Variants in DNAJC22 observed in about 807,000 individuals in gnomAD.
DNAJC22 encodes the protein DnaJ heat shock protein family (Hsp40) member C22.
DNAJC22 carries 24 observed loss-of-function variants against 22.2 expected under a neutral mutation model. The observed-to-expected ratio is 1.08, with a 90% CI of 0.78 to 1.52. The LOEUF is 1.52. Among genes scored for constraint, DNAJC22 ranks in the 40% most tolerant of loss-of-function variants. DNAJC22 has a pLI of 0.00. For missense variants in DNAJC22, 434 were observed against 421.7 expected (o/e 1.03, Z -0.26); for synonymous variants, 160 against 167.4 (o/e 0.96, Z 0.34).
rs769713366 is a variant in DNAJC22 at position 49,349,118 on chromosome 12, T to A, written c.246T>A (p.Ala82=). 6.2e-7 allele frequency: 1 copy of A among 1,614,214 alleles called. No individual in the cohort carries two copies. The highest frequency in any genetic ancestry group is 1.3e-5 in the African/African-American group (1 of 75,056). ...CCCCTCTGAGTCCCATTCGCTTTGC[T>A]GCCCAGGTGATAGTTGGCATCTATT... ...VTPPLSPIRF[A]AQVIVGIYFG... Residue 82 remains alanine, a synonymous_variant, in exon 3 of 4, where the codon GCT becomes GCA. Coordinates refer to ENST00000549441, the MANE Select transcript of DNAJC22 (RefSeq NM_001304944.2).
At chr12:49,351,183 G>A (rs781747836) in intron 3 of DNAJC22, 134 bp from the exon 4 acceptor site, 1 of 1,500,596 alleles carries the variant, frequency 6.7e-7, no homozygotes, top group Non-Finnish European at 8.8e-7. Flanking sequence ...AACCTGAGCT[G>A]CTGGACCTTT....
At position 49,349,135 on chromosome 12, in the gene DNAJC22, G is replaced by C. The variant is rs753109764; in HGVS notation, c.263G>C (p.Gly88Ala). Residue 88 changes from glycine (G) to alanine (A), a missense_variant, in exon 3 of 4, where the codon GGC becomes GCC. Physicochemically the swap from Gly to Ala is moderately conservative, Grantham distance 60 (BLOSUM62 0). Transcript: ENST00000549441. ...PIRFAAQVIV[G>A]IYFGLVALIS... ...CGCTTTGCTGCCCAGGTGATAGTTG[G>C]CATCTATTTTGGCCTTGTGGCACTG... is the stretch of plus-strand genomic sequence containing the variant. 2.5e-6 allele frequency: 4 copies of C among 1,614,028 alleles called. No homozygotes were observed. Among genetic ancestry groups the C allele is most frequent in the Non-Finnish European group, 2.5e-6 (3 of 1,180,038 alleles).
Position 49,352,429 on chromosome 12 carries a change from T to TGAGG in DNAJC22, c.*927_*928insGAGG, listed in dbSNP as rs1290586896. The TGAGG allele has an allele frequency of 2.6e-5, 4 of 152,178 alleles. No homozygotes were observed. The highest frequency in any genetic ancestry group is 9.7e-5 in the African/African-American group (4 of 41,442). 9.4% of individuals were successfully genotyped at this position (152,178 alleles called of 1,614,324 possible). On this transcript the variant is annotated 3_prime_UTR_variant, in exon 4 of 4. Coordinates refer to ENST00000549441, the MANE Select transcript of DNAJC22 (RefSeq NM_001304944.2). ...TAGTCGGGAGGCTGAGGCAGGAAAATCACTTGAGCCTGGGAGGTGGAGGTT... is the reference window on the plus strand; with the variant it reads ...TAGTCGGGAGGCTGAGGCAGGAAAATGAGGCACTTGAGCCTGGGAGGTGGAGGTT...
rs117506192 is a variant in DNAJC22 at position 49,349,402 on chromosome 12, C to T, written c.530C>T (p.Pro177Leu). The change falls in exon 3 of 4, where the codon CCG (proline) becomes CTG (leucine). Residue 177 changes from proline (P) to leucine (L), a missense_variant. By Grantham distance (98) the Pro-to-Leu change is moderately conservative. Transcript: ENST00000549441. ...TACAAAGCTTTGGTGGCATCAGAGC[C>T]GCTCAGTGTGCGGCTCTATCGTCTG... ...RRYKALVASE[P>L]LSVRLYRLGL... The T allele has an allele frequency of 2.9e-5, 46 of 1,609,618 alleles. No individual in the cohort carries two copies. The Middle Eastern group carries it at 6.6e-4, about 23-fold the overall frequency.
In DNAJC22 at chr12:49,351,316, G is replaced by A; in HGVS notation, c.841-1G>A. 6.2e-7 allele frequency: 1 copy of A among 1,613,332 alleles called. No homozygotes were observed. Among genetic ancestry groups the A allele is most frequent in the South Asian group, 1.1e-5 (1 of 91,022 alleles). ...AATTTGTCATCTTCTGTTTCCATAA[G>A]GTTTTGGGCCTCTCAGAAGGGGCAA... On this transcript the variant is annotated splice_acceptor_variant, in intron 3 of 3. Transcript: ENST00000549441. LOFTEE classifies it high-confidence loss of function.
chr12:49,351,277 A>G lies in DNAJC22; in HGVS notation c.841-40A>G, dbSNP rs1943780868. 7 of 1,612,524 alleles carry G rather than the reference A, an allele frequency of 4.3e-6. No homozygotes were observed. The East Asian group carries it at 1.6e-4, about 36-fold the overall frequency. On this transcript the variant is annotated intron_variant, in intron 3 of 3. Coordinates refer to ENST00000549441, the MANE Select transcript of DNAJC22 (RefSeq NM_001304944.2). The stretch of plus-strand genomic sequence containing the variant: ...AAGGAGAGGCCCAGGTACCCTGACA[A>G]CTTGGGGGATTCTAATTTGTCATCT...
At chr12:49,349,773 G>A (rs888328969) in intron 3 of DNAJC22, 61 bp downstream of exon 3, 4 of 1,602,950 alleles carry the variant, frequency 2.5e-6, no homozygotes, top group Admixed American at 3.4e-5. Context: ...TGGAAGTACT[G>A]TACTTTTGTC....
rs754065462 is a variant in DNAJC22, at chr12:49,349,131, G to C, written c.259G>C (p.Val87Leu). The C allele has an allele frequency of 2.5e-6, 4 of 1,614,192 alleles. No individual in the cohort carries two copies. In the South Asian group the frequency reaches 4.4e-5, roughly 18 times the overall value. The change falls in exon 3 of 4, where the codon GTT (valine) becomes CTT (leucine). Residue 87 changes from valine (V) to leucine (L), a missense_variant. Transcript: ENST00000549441. ...CATTCGCTTTGCTGCCCAGGTGATA[G>C]TTGGCATCTATTTTGGCCTTGTGGC... is the stretch of plus-strand genomic sequence containing the variant. ...SPIRFAAQVIVGIYFGLVALI... is the reference protein window; with the variant it reads ...SPIRFAAQVILGIYFGLVALI...
In DNAJC22 at chr12:49,347,434, G is replaced by T. The variant is rs77541975; in HGVS notation, c.-687G>T. On this transcript the variant is annotated 5_prime_UTR_variant, in exon 1 of 4. Coordinates refer to ENST00000549441, the MANE Select transcript of DNAJC22 (RefSeq NM_001304944.2). Reference sequence around the variant, plus strand: ...CCTGTGGGGGGTTGAGGACAGCTTGGGTTGGATGTCCCTCACTGCAGCCTG... The same window carrying T: ...CCTGTGGGGGGTTGAGGACAGCTTGTGTTGGATGTCCCTCACTGCAGCCTG... 12,764 of 152,368 alleles carry T rather than the reference G, an allele frequency of 0.084. 1,132 individuals are homozygous for T. The highest frequency in any genetic ancestry group is 0.22 in the African/African-American group (9,317 of 41,500). 9.4% of individuals were successfully genotyped at this position (152,368 alleles called of 1,614,324 possible).
rs1036737322 is a variant in DNAJC22, at chr12:49,347,639, T to G, written c.-569-5T>G. On this transcript the variant is annotated splice_polypyrimidine_tract_variant and splice_region_variant and intron_variant, in intron 1 of 3. Coordinates refer to ENST00000549441, the MANE Select transcript of DNAJC22 (RefSeq NM_001304944.2). Reference sequence around the variant, plus strand: ...GCATTTACAGGAGTTTATCCTTTTTTTTAGCACTACAGATAGGAGCGTCCC... The same window carrying G: ...GCATTTACAGGAGTTTATCCTTTTTGTTAGCACTACAGATAGGAGCGTCCC... 3.3e-5 allele frequency: 5 copies of G among 152,236 alleles called. No individual in the cohort carries two copies. The highest frequency in any genetic ancestry group is 1.2e-4 in the African/African-American group (5 of 41,454). 9.4% of individuals were successfully genotyped at this position (152,236 alleles called of 1,614,324 possible).
At chr12:49,348,708 G>T in intron 2 of DNAJC22, 58 bp from the exon 3 acceptor site, 1 of 916,424 alleles carries the variant, frequency 1.1e-6, no homozygotes, top group Non-Finnish European at 1.5e-6. Context: ...AAAGAGAAAT[G>T]GTTGCTGTGT....
chr12:49,351,397 C>T lies in DNAJC22; in HGVS notation c.921C>T (p.Asp307=), dbSNP rs759382832. ...AGCTAGTGAAGGTCTGGCACCCAGA[C>T]CACAACCTGGACCAGACAGAGGAGG... ...YQELVKVWHP[D]HNLDQTEEAQ... is the part of the protein sequence containing the mutation. The change falls in exon 4 of 4, where the codon GAC becomes GAT. Residue 307 remains aspartate, a synonymous_variant. Transcript: ENST00000549441. The T allele has an allele frequency of 6.2e-7, 1 of 1,613,504 alleles. No individual in the cohort carries two copies. The highest frequency in any genetic ancestry group is 8.5e-7 in the Non-Finnish European group (1 of 1,179,694).
rs1322057210 is a variant in DNAJC22 at position 49,347,011 on chromosome 12, C to T, written c.-1110C>T. ...AGGTGACACCCGCGAGGCCGACCGT[C>T]CCCCGAAGCCCCCGCAAGTCCAGAC... On this transcript the variant is annotated 5_prime_UTR_variant, in exon 1 of 4. Transcript: ENST00000549441. 6.6e-6 allele frequency: 1 copy of T among 152,302 alleles called. No individual in the cohort carries two copies. Among genetic ancestry groups the T allele is most frequent in the East Asian group, 1.9e-4 (1 of 5,188 alleles). The allele number at this position is 152,302 out of a possible 1,614,324, so 9.4% of individuals were successfully genotyped here.
rs1407064168 is a variant in DNAJC22, at chr12:49,352,380, G to A, written c.*878G>A. On this transcript the variant is annotated 3_prime_UTR_variant, in exon 4 of 4. Transcript: ENST00000549441. ...AAAATACAAAACTTAGCCAGCCATG[G>A]TGGCACATGCCTGTAGCCCCAGCTA... 3 of 152,168 alleles carry A rather than the reference G, an allele frequency of 2.0e-5. No homozygotes were observed. The highest frequency in any genetic ancestry group is 1.3e-4 in the Admixed American group (2 of 15,272). The allele number at this position is 152,168 out of a possible 1,614,324, so 9.4% of individuals were successfully genotyped here.
In DNAJC22 at chr12:49,349,336, T is replaced by A; in HGVS notation, c.464T>A (p.Ile155Asn). 1.2e-6 allele frequency: 2 copies of A among 1,610,856 alleles called. No individual in the cohort carries two copies. Among genetic ancestry groups the A allele is most frequent in the Non-Finnish European group, 1.7e-6 (2 of 1,178,314 alleles). Residue 155 changes from isoleucine to asparagine, a missense_variant, in exon 3 of 4, where the codon ATT becomes AAT. Coordinates refer to ENST00000549441, the MANE Select transcript of DNAJC22 (RefSeq NM_001304944.2). Reference protein sequence around the residue: ...FYGRPIAILPISVAASITAQR... With the variant: ...FYGRPIAILPNSVAASITAQR... ...GGCCGCCCCATAGCCATACTGCCCA[T>A]TAGCGTGGCCGCCAGCATTACAGCT...
rs764289046 is a variant in DNAJC22, at chr12:49,351,314, A to C, written c.841-3A>C. ...CTAATTTGTCATCTTCTGTTTCCATAAGGTTTTGGGCCTCTCAGAAGGGGC... is the reference window on the plus strand; with the variant it reads ...CTAATTTGTCATCTTCTGTTTCCATCAGGTTTTGGGCCTCTCAGAAGGGGC... On this transcript the variant is annotated splice_region_variant and splice_polypyrimidine_tract_variant and intron_variant, in intron 3 of 3. Coordinates refer to ENST00000549441, the MANE Select transcript of DNAJC22 (RefSeq NM_001304944.2). The C allele has an allele frequency of 1.9e-6, 3 of 1,612,914 alleles. No individual in the cohort carries two copies. Among genetic ancestry groups the C allele is most frequent in the Non-Finnish European group, 2.5e-6 (3 of 1,179,612 alleles).
rs1263747680 is a variant in DNAJC22 at position 49,349,061 on chromosome 12, G to A, written c.189G>A (p.Gln63=). The A allele has an allele frequency of 1.2e-6, 2 of 1,613,068 alleles. No individual in the cohort carries two copies. The highest frequency in any genetic ancestry group is 1.7e-6 in the Non-Finnish European group (2 of 1,179,548). ...TTGTAGCTCAGGCCAACAGAGCCCA[G>A]GGACAGAGGCAGAGCCCCAGAGGGG... ...PSFVAQANRA[Q]GQRQSPRGVT... is the part of the protein sequence containing the mutation. Residue 63 remains glutamine (Q), a synonymous_variant, in exon 3 of 4, where the codon CAG becomes CAA. Transcript: ENST00000549441.
rs923006078 is a variant in DNAJC22 at position 49,351,140 on chromosome 12, T to C, written c.841-177T>C. ...ATTCTTTTTTCTAAAATAATTTTTT[T>C]CTTTTATTATTACTCTATAAGGCTG... On this transcript the variant is annotated intron_variant, in intron 3 of 3. Transcript: ENST00000549441. 77 of 1,334,404 alleles carry C rather than the reference T, an allele frequency of 5.8e-5. No individual in the cohort carries two copies. In the African/African-American group the frequency reaches 1.0e-3, roughly 17 times the overall value. 82.7% of individuals were successfully genotyped at this position (1,334,404 alleles called of 1,614,324 possible).
At position 49,349,347 on chromosome 12, in the gene DNAJC22, G is replaced by A. The variant is rs754538756; in HGVS notation, c.475G>A (p.Ala159Thr). ...AGCCATACTGCCCATTAGCGTGGCC[G>A]CCAGCATTACAGCTCAGAGGCATCG... Reference protein sequence around the residue: ...PIAILPISVAASITAQRHRRY... With the variant: ...PIAILPISVATSITAQRHRRY... The change falls in exon 3 of 4, where the codon GCC becomes ACC. Residue 159 changes from alanine to threonine, a missense_variant. Ala to Thr is a moderately conservative substitution (Grantham distance 58). Transcript: ENST00000549441. 29 of 1,608,520 alleles carry A rather than the reference G, an allele frequency of 1.8e-5. No individual in the cohort carries two copies. The highest frequency in any genetic ancestry group is 3.4e-5 in the Admixed American group (2 of 59,372).
Sources: allele counts gnomAD v4.1 joint callset, GRCh38; gene constraint gnomAD v4.1.1; transcripts MANE v1.5; gene names NCBI Gene and HGNC (gene_info 2026-07-23, HGNC 2026-07-21).